Variants in RPH3A observed in about 807,000 individuals in gnomAD.
RPH3A encodes the protein rabphilin-3A.
Under a neutral mutation model 102.2 loss-of-function variants are expected in RPH3A, and 48 were observed. The ratio of observed to expected loss-of-function variants is 0.47; its 90% CI spans 0.37 to 0.60. The LOEUF (loss-of-function observed/expected upper bound fraction) is 0.60. RPH3A is among the 20% of genes least tolerant of loss of function. The pLI, the probability that RPH3A is intolerant of heterozygous loss-of-function variation, is 0.00. For synonymous variants in RPH3A, 310 were observed against 324.3 expected, an observed-to-expected ratio of 0.96 and a Z score of 0.47; for missense variants, 781 against 910.1, an observed-to-expected ratio of 0.86 and a Z score of 1.83.
chr12:112,735,097 C>T (rs965625658), intron 1 of RPH3A, among the ~76,000 whole-genome samples: 4 of 152,206 alleles, frequency 2.6e-5, no homozygotes, highest in African/African-American at 7.2e-5. Flanking sequence ...GCTCCCAAAC[C>T]GAAACTCTTC....
chr12:112,838,344 G>A (rs367990343), intron 4 of RPH3A, among the ~76,000 whole-genome samples: 36 of 152,340 alleles, frequency 2.4e-4, no homozygotes, highest in African/African-American at 7.9e-4. Context: ...CCCAGGTCCC[G>A]TTGGCATTCT....
At chr12:112,699,902 C>T (rs1476313172) in intron 1 of RPH3A, among the ~76,000 whole-genome samples, 1 of 152,064 alleles carries the variant, frequency 6.6e-6, no homozygotes, top group Non-Finnish European at 1.5e-5. Flanking sequence ...ATTATTTTTA[C>T]TTTCATATCT....
intron 2 of RPH3A, among the ~76,000 whole-genome samples, chr12:112,795,403 T>G (rs559261785): frequency 6.6e-6 from 1 of 152,332 alleles, no homozygotes; most frequent in South Asian, 2.1e-4. Flanking sequence ...CTGAAGCTGA[T>G]GATTTTAAAT....
chr12:112,756,559 A>C (rs2158240), intron 1 of RPH3A, among the ~76,000 whole-genome samples: 12,124 of 152,200 alleles, frequency 0.08, 1,267 homozygotes, highest in African/African-American at 0.24. Flanking sequence ...CACACTCTAC[A>C]CCATAAATAT....
intron 17 of RPH3A, 52 bp downstream of exon 17, chr12:112,887,975 C>G (rs1217708058): frequency 6.3e-7 from 1 of 1,595,686 alleles, no homozygotes; most frequent in Non-Finnish European, 8.6e-7. Flanking sequence ...ATTGGGGGAG[C>G]TGCCTTCCTC....
rs2042220436 is a variant in RPH3A at position 112,845,890 on chromosome 12, G to A, written c.84-1806G>A. Among the ~76,000 whole-genome samples, 4 of 152,158 alleles carry A rather than the reference G, an allele frequency of 2.6e-5. No homozygotes were observed. In the South Asian group the frequency reaches 8.3e-4, roughly 32 times the overall value. ...GAGAAAGTGAACCAGGGCAATGAGA[G>A]ATCAAAGACAGCCTCTCTGAGACCA... On this transcript the variant is annotated intron_variant, in intron 4 of 21. Transcript: ENST00000389385.
chr12:112,840,515 G>A (rs7133692), intron 4 of RPH3A, among the ~76,000 whole-genome samples: 8,464 of 151,930 alleles, frequency 0.056, 419 homozygotes, highest in Admixed American at 0.14. Context: ...AAGCCCCACC[G>A]CAGACCTTCT....
intron 1 of RPH3A, among the ~76,000 whole-genome samples, chr12:112,615,566 T>C (rs1029743971): frequency 7.2e-5 from 11 of 152,300 alleles, no homozygotes; most frequent in African/African-American, 2.6e-4. Context: ...GTACCTCCGC[T>C]AGAGATCTCG....
chr12:112,599,883 T>C (rs1455088990), intron 1 of RPH3A, among the ~76,000 whole-genome samples: 1 of 152,242 alleles, frequency 6.6e-6, no homozygotes, highest in African/African-American at 2.4e-5. Flanking sequence ...ACATCATTTC[T>C]GCCACTAACT....
At chr12:112,737,353 T>C (rs1395056774) in intron 1 of RPH3A, among the ~76,000 whole-genome samples, 4 of 152,084 alleles carry the variant, frequency 2.6e-5, no homozygotes, top group Non-Finnish European at 4.4e-5. Context: ...AAAATGGGGA[T>C]AATAATATGT....
chr12:112,739,279 G>GA (rs151303227), intron 1 of RPH3A, among the ~76,000 whole-genome samples: 1 of 152,046 alleles, frequency 6.6e-6, no homozygotes, highest in African/African-American at 2.4e-5. Context: ...TATTTTTTTT[G>GA]AACACCTGCA....
chr12:112,598,890 C>T (rs1359018077), intron 1 of RPH3A, among the ~76,000 whole-genome samples: 1 of 152,140 alleles, frequency 6.6e-6, no homozygotes. Flanking sequence ...ATACTGGCCT[C>T]TTGTATAGAC....
At chr12:112,712,879 T>TTCTTC (rs1565856603) in intron 1 of RPH3A, among the ~76,000 whole-genome samples, 3 of 136,746 alleles carry the variant, frequency 2.2e-5, no homozygotes, top group African/African-American at 9.6e-5. Flanking sequence ...CTCACTTTTT[T>TTCTTC]TTCTTCTTCT....
intron 2 of RPH3A, among the ~76,000 whole-genome samples, chr12:112,809,070 T>C (rs1405850702): frequency 6.6e-6 from 1 of 152,172 alleles, no homozygotes; most frequent in Non-Finnish European, 1.5e-5. Context: ...GATGTGACTG[T>C]TCACCACCTG....
intron 12 of RPH3A, 137 bp from the exon 13 acceptor site, chr12:112,876,505 A>T (rs2042799572): frequency 3.2e-6 from 2 of 628,560 alleles, no homozygotes; most frequent in Non-Finnish European, 5.5e-6. Flanking sequence ...ATTGTCAAAC[A>T]CAGATCCCAA....
chr12:112,586,884 A>G (rs2039443017), intron 1 of RPH3A, among the ~76,000 whole-genome samples: 1 of 152,192 alleles, frequency 6.6e-6, no homozygotes, highest in African/African-American at 2.4e-5. Context: ...TCTCCTATAT[A>G]TCTCAGGAGT....
At chr12:112,629,464 C>A (rs1313518381) in intron 1 of RPH3A, among the ~76,000 whole-genome samples, 1 of 125,076 alleles carries the variant, frequency 8.0e-6, no homozygotes, top group Admixed American at 8.0e-5. Context: ...ATGCACTTTG[C>A]ATTTTTTTTT....
intron 1 of RPH3A, among the ~76,000 whole-genome samples, chr12:112,742,326 T>C (rs2040714943): frequency 6.6e-6 from 1 of 151,956 alleles, no homozygotes; most frequent in Non-Finnish European, 1.5e-5. Context: ...GGAGAGGAAA[T>C]GTTGTATACG....
chr12:112,746,518 T>A (rs1006694494), intron 1 of RPH3A, among the ~76,000 whole-genome samples: 12 of 151,608 alleles, frequency 7.9e-5, no homozygotes, highest in Admixed American at 4.6e-4. Context: ...ATAAGGCTGC[T>A]CTCAGGCTAA....
Sources: gnomAD v4.1 joint callset for allele counts (sites outside exome capture counted in the v4.1 genomes callset) on GRCh38, gnomAD v4.1.1 for gene constraint, MANE v1.5 for transcripts, NCBI Gene and HGNC (gene_info 2026-07-23, HGNC 2026-07-21) for gene names.